Variants in ATG2B observed in about 807,000 individuals in gnomAD.
ATG2B encodes the protein autophagy related 2B.
Under a neutral mutation model 241.3 loss-of-function variants are expected in ATG2B, and 121 were observed. The ratio of observed to expected loss-of-function variants is 0.50; its 90% confidence interval spans 0.43 to 0.58. ATG2B has a LOEUF of 0.58. ATG2B is among the 20% of genes least tolerant of loss of function. The probability of loss-of-function intolerance (pLI) is 0.00; values close to 1 mark genes in which losing one functional copy is unlikely to be tolerated. For synonymous variants in ATG2B, 858 were observed against 876.6 expected, an observed-to-expected ratio of 0.98 and a Z score of 0.37; for missense variants, 2,306 against 2,491.6, an observed-to-expected ratio of 0.93 and a Z score of 1.59.
chr14:96,343,278 A>T lies in ATG2B; in HGVS notation c.585T>A (p.Thr195=). The T allele has an allele frequency of 6.4e-7, 1 of 1,562,670 alleles. No homozygotes were observed. Among genetic ancestry groups the T allele is most frequent in the Non-Finnish European group, 8.7e-7 (1 of 1,155,914 alleles). ...CGTCAGCAGTTTCATCACAGTACACAGTTCTGAAATTTTTTTAAAAAGCAT... is the reference window on the plus strand; with the variant it reads ...CGTCAGCAGTTTCATCACAGTACACTGTTCTGAAATTTTTTTAAAAAGCAT... The part of the protein sequence containing the change: ...GTALEIRIER[T]VYCDETADES... Residue 195 remains threonine, a synonymous_variant, in exon 5 of 42, where the codon ACT becomes ACA. Coordinates refer to ENST00000359933, the MANE Select transcript of ATG2B (RefSeq NM_018036.7).
At chr14:96,298,438 C>T (rs1264289013) in intron 34 of ATG2B, among the ~76,000 whole-genome samples, 2 of 152,172 alleles carry the variant, frequency 1.3e-5, no homozygotes, top group East Asian at 3.8e-4. Context: ...ATTTATTCAA[C>T]CAAGAGAAGT....
rs141785324 is a variant in ATG2B, at chr14:96,341,141, A to C, written c.924+381T>G. 4.4e-3 allele frequency among the ~76,000 whole-genome samples: 675 copies of C among 152,272 alleles called. 26 individuals are homozygous for C. The South Asian group carries it at 0.067, about 15-fold the overall frequency. The stretch of plus-strand genomic sequence containing the variant: ...TCTTCTACAGATTTCTTGCTTGCCA[A>C]ATCTCTTTTCCTTTAAACTTAATTT... On this transcript the variant is annotated intron_variant, in intron 6 of 41. Transcript: ENST00000359933.
At position 96,341,699 on chromosome 14, in the gene ATG2B, T is replaced by C; in HGVS notation, c.747A>G (p.Glu249=). The change falls in exon 6 of 42, where the codon GAA becomes GAG. Residue 249 remains glutamate (E), a splice_region_variant and synonymous_variant. Transcript: ENST00000359933. The part of the protein sequence containing the change: ...SSPVCSTAPV[E]TEPKLSPSWN... The stretch of plus-strand genomic sequence containing the variant: ...AGCTAGGTGAGAGCTTTGGCTCAGT[T>C]TCCTACAATAAAGTGACAAAAATAA... 6.4e-7 allele frequency: 1 copy of C among 1,551,402 alleles called. No homozygotes were observed. The highest frequency in any genetic ancestry group is 8.7e-7 in the Non-Finnish European group (1 of 1,149,476).
In ATG2B at chr14:96,341,710, A is replaced by G; in HGVS notation, c.745-9T>C. ...AGCTTTGGCTCAGTTTCCTACAATA[A>G]AGTGACAAAAATAATTATTTAAAAT... On this transcript the variant is annotated splice_polypyrimidine_tract_variant and intron_variant, in intron 5 of 41. Transcript: ENST00000359933. 1 of 1,517,208 alleles carries G rather than the reference A, an allele frequency of 6.6e-7. No individual in the cohort carries two copies. The highest frequency in any genetic ancestry group is 1.4e-5 in the South Asian group (1 of 73,318). 94.0% of individuals were successfully genotyped at this position (1,517,208 alleles called of 1,614,324 possible).
chr14:96,344,905 G>A, intron 3 of ATG2B, 149 bp from the exon 4 acceptor site: 1 of 503,354 alleles, frequency 2.0e-6, no homozygotes, highest in Non-Finnish European at 3.4e-6. Flanking sequence ...CTTAAATCCT[G>A]AGTTTTGTAA....
chr14:96,290,656 G>A lies in ATG2B; in HGVS notation c.5702-66C>T, dbSNP rs1886459423. 1.2e-5 allele frequency: 19 copies of A among 1,590,074 alleles called. No individual in the cohort carries two copies. The highest frequency in any genetic ancestry group is 1.7e-4 in the Middle Eastern group (1 of 5,924). ...CAGACTTTTCTATCATTCTAACCCT[G>A]GGGTTTTTAACTCCTAAAACTGGAG... On this transcript the variant is annotated intron_variant, in intron 39 of 41. Coordinates refer to ENST00000359933, the MANE Select transcript of ATG2B (RefSeq NM_018036.7). This position sits in a 1 kb window ranked among gnomAD's most constrained non-coding sequence, Gnocchi z 4.4.
intron 17 of ATG2B, 55 bp downstream of exon 17, chr14:96,322,485 G>T: frequency 6.6e-7 from 1 of 1,517,044 alleles, no homozygotes; most frequent in Non-Finnish European, 8.8e-7. Context: ...CAAAAGCATT[G>T]CTCTATGACA....
intron 25 of ATG2B, among the ~76,000 whole-genome samples, chr14:96,312,376 A>T (rs1307298038): frequency 6.6e-6 from 1 of 152,188 alleles, no homozygotes. Flanking sequence ...TAAATCATCT[A>T]CTCAAATTAA....
rs1039065888 is a variant in ATG2B at position 96,290,010 on chromosome 14, C to T, written c.5857-205G>A. Reference sequence around the variant, plus strand: ...TAAAAGTATAAATTAATAACTAACACCTGGATTGAGCTAAATTTTTAGCCC... The same window carrying T: ...TAAAAGTATAAATTAATAACTAACATCTGGATTGAGCTAAATTTTTAGCCC... On this transcript the variant is annotated intron_variant, in intron 40 of 41. Transcript: ENST00000359933. The surrounding 1 kb of genome is among the most constrained non-coding windows in gnomAD (Gnocchi z 4.4). 2 of 885,862 alleles carry T rather than the reference C, an allele frequency of 2.3e-6. No homozygotes were observed. The highest frequency in any genetic ancestry group is 3.3e-5 in the Admixed American group (1 of 30,472). 54.9% of individuals were successfully genotyped at this position (885,862 alleles called of 1,614,324 possible). A position where few individuals can be genotyped will look rare whatever the true frequency, so the allele number is the denominator to read the frequency against.
rs754931260 is a variant in ATG2B, at chr14:96,354,229, C to T, written c.163-6888G>A. ...CATGGTGGTTTGCTGCACAGATCAT[C>T]CCATCACTTAGTATTAAGCCCAGTA... On this transcript the variant is annotated intron_variant, in intron 1 of 41. Coordinates refer to ENST00000359933, the MANE Select transcript of ATG2B (RefSeq NM_018036.7). Among the ~76,000 whole-genome samples, 12 of 152,090 alleles carry T rather than the reference C, an allele frequency of 7.9e-5. No homozygotes were observed. The South Asian group carries it at 1.3e-3, about 16-fold the overall frequency.
Position 96,341,390 on chromosome 14 carries a change from T to C in ATG2B, c.924+132A>G, listed in dbSNP as rs565899091. The C allele has an allele frequency of 1.5e-5, 9 of 615,792 alleles. No homozygotes were observed. The African/African-American group carries it at 1.5e-4, about 10-fold the overall frequency. The allele number at this position is 615,792 out of a possible 1,614,324, so 38.1% of individuals were successfully genotyped here. A position where few individuals can be genotyped will look rare whatever the true frequency, so the allele number is the denominator to read the frequency against. On this transcript the variant is annotated intron_variant, in intron 6 of 41. Coordinates refer to ENST00000359933, the MANE Select transcript of ATG2B (RefSeq NM_018036.7). ...TAGAAGCATCAACTGAGAGTAAAAA[T>C]GCTAACTCGGTGACAGCAGTACACT... is the stretch of plus-strand genomic sequence containing the variant.
In ATG2B at chr14:96,324,902, G is replaced by C. The variant is rs528434100; in HGVS notation, c.2437+747C>G. ...GAACTTTTGCAAACTATTCTCATGA[G>C]GGGTGGGAGTGTGGTTGCGGAGAGA... is the stretch of plus-strand genomic sequence containing the variant. On this transcript the variant is annotated intron_variant, in intron 15 of 41. Coordinates refer to ENST00000359933, the MANE Select transcript of ATG2B (RefSeq NM_018036.7). Among the ~76,000 whole-genome samples, 9 of 152,216 alleles carry C rather than the reference G, an allele frequency of 5.9e-5. No homozygotes were observed. In the East Asian group the frequency reaches 1.7e-3, roughly 29 times the overall value.
intron 1 of ATG2B, among the ~76,000 whole-genome samples, chr14:96,349,953 T>A (rs1274203478): frequency 2.0e-5 from 3 of 152,088 alleles, no homozygotes; most frequent in African/African-American, 7.2e-5. Context: ...CTGAGCAGTT[T>A]GAGACCAGCC....
At chr14:96,299,345 A>G (rs1886728361) in intron 34 of ATG2B, among the ~76,000 whole-genome samples, 1 of 152,202 alleles carries the variant, frequency 6.6e-6, no homozygotes, top group South Asian at 2.1e-4. Context: ...TCTTCTGGTC[A>G]GGCATACCAT....
At chr14:96,288,544 G>T (rs1306343414) in intron 41 of ATG2B, among the ~76,000 whole-genome samples, 1 of 151,824 alleles carries the variant, frequency 6.6e-6, no homozygotes, top group Non-Finnish European at 1.5e-5. Flanking sequence ...CTGACCATTG[G>T]TCTTACCTTT....
At position 96,323,941 on chromosome 14, in the gene ATG2B, C is replaced by A; in HGVS notation, c.2495G>T (p.Gly832Val). The change falls in exon 16 of 42, where the codon GGA becomes GTA. Residue 832 changes from glycine to valine, a missense_variant. Physicochemically the swap from Gly to Val is moderately radical, Grantham distance 109. This residue lies in a region of ATG2B where 1,927 missense variants were observed against 2,011.2 expected (regional missense o/e 0.96). Coordinates refer to ENST00000359933, the MANE Select transcript of ATG2B (RefSeq NM_018036.7). Reference sequence around the variant, plus strand: ...TGACGATGTTGTATCTCCATCTACTCCACTAGACACATGGAAAAACTTAAT... The same window carrying A: ...TGACGATGTTGTATCTCCATCTACTACACTAGACACATGGAAAAACTTAAT... ...PSIKFFHVSS[G>V]VDGDTTSSDD... The A allele has an allele frequency of 6.2e-7, 1 of 1,612,150 alleles. No individual in the cohort carries two copies. The highest frequency in any genetic ancestry group is 2.2e-5 in the East Asian group (1 of 44,822).
rs963132981 is a variant in ATG2B at position 96,290,256 on chromosome 14, A to G, written c.5856+180T>C. The G allele has an allele frequency of 5.6e-6, 7 of 1,251,126 alleles. No homozygotes were observed. Among genetic ancestry groups the G allele is most frequent in the Non-Finnish European group, 7.4e-6 (7 of 948,926 alleles). The allele number at this position is 1,251,126 out of a possible 1,614,324, so 77.5% of individuals were successfully genotyped here. A position where few individuals can be genotyped will look rare whatever the true frequency, so the allele number is the denominator to read the frequency against. On this transcript the variant is annotated intron_variant, in intron 40 of 41. Coordinates refer to ENST00000359933, the MANE Select transcript of ATG2B (RefSeq NM_018036.7). This position sits in a 1 kb window ranked among gnomAD's most constrained non-coding sequence, Gnocchi z 4.4. ...ATCTGACACTGTATTCCACTGCTTT[A>G]TTCTAATTATTTAACACTAAACATT...
At chr14:96,317,402 C>T in intron 19 of ATG2B, 85 bp from the exon 20 acceptor site, 3 of 1,197,560 alleles carry the variant, frequency 2.5e-6, no homozygotes, top group Non-Finnish European at 3.5e-6. Flanking sequence ...TTTATATAAC[C>T]TGCTTAGTTT....
At chr14:96,349,143 A>C (rs1254308173) in intron 1 of ATG2B, among the ~76,000 whole-genome samples, 1 of 152,242 alleles carries the variant, frequency 6.6e-6, no homozygotes, top group African/African-American at 2.4e-5. Flanking sequence ...GACCAGAAGG[A>C]GTTAATCAGG....
Sources: allele counts gnomAD v4.1 joint callset (sites outside exome capture counted in the v4.1 genomes callset), GRCh38; gene constraint gnomAD v4.1.1; regional missense constraint gnomAD v4.1.1; non-coding constraint Gnocchi (gnomAD v3.1); transcripts MANE v1.5; gene names NCBI Gene and HGNC (gene_info 2026-07-23, HGNC 2026-07-21).